EXOC6B: variants seen among roughly 807,000 people sequenced by gnomAD.
EXOC6B encodes exocyst complex component 6B, also known as SEC15 homolog B.
EXOC6B carries 54 observed loss-of-function variants against 113.5 expected under a neutral mutation model. The observed-to-expected ratio is 0.48, with a 90% CI of 0.38 to 0.60. EXOC6B has a LOEUF of 0.60. EXOC6B is among the 20% of genes least tolerant of loss of function. The pLI, the probability that EXOC6B is intolerant of heterozygous loss-of-function variation, is 0.00. For missense variants in EXOC6B, 797 were observed against 977.5 expected (o/e 0.82, Z 2.46); for synonymous variants, 357 against 339.0 (o/e 1.05, Z -0.58).
intron 6 of EXOC6B, among the ~76,000 whole-genome samples, chr2:72,607,389 G>C (rs1670815981): frequency 1.3e-5 from 2 of 152,136 alleles, no homozygotes; most frequent in South Asian, 4.1e-4. Context: ...CCAGACTCTA[G>C]AACTGTGAGC....
chr2:72,618,018 G>A (rs1365816234), intron 6 of EXOC6B, among the ~76,000 whole-genome samples: 2 of 152,094 alleles, frequency 1.3e-5, no homozygotes, highest in Non-Finnish European at 2.9e-5. Flanking sequence ...TAAAAGTGGG[G>A]ACTGATAATG....
intron 20 of EXOC6B, among the ~76,000 whole-genome samples, chr2:72,262,304 T>C (rs1425422702): frequency 6.6e-6 from 1 of 151,964 alleles, no homozygotes; most frequent in Non-Finnish European, 1.5e-5. Context: ...AAGGATCTAG[T>C]AGCAGAGGAT....
At chr2:72,311,387 CT>C (rs1687174242) in intron 20 of EXOC6B, among the ~76,000 whole-genome samples, 1 of 152,104 alleles carries the variant, frequency 6.6e-6, no homozygotes, top group Non-Finnish European at 1.5e-5. Context: ...CATTCCCAGC[CT>C]TTATAGAGGC....
At chr2:72,600,811 C>G (rs1421450851) in intron 6 of EXOC6B, among the ~76,000 whole-genome samples, 4 of 151,912 alleles carry the variant, frequency 2.6e-5, no homozygotes, top group Non-Finnish European at 4.4e-5. Context: ...AGATACAACA[C>G]CAAAAGCATG....
chr2:72,487,558 G>A (rs1273284434), intron 16 of EXOC6B, among the ~76,000 whole-genome samples: 5 of 151,868 alleles, frequency 3.3e-5, no homozygotes, highest in South Asian at 4.2e-4. Context: ...ACGGGGTTTC[G>A]CCATGTTGGC....
intron 1 of EXOC6B, among the ~76,000 whole-genome samples, chr2:72,798,767 A>G (rs1685116960): frequency 6.6e-6 from 1 of 152,190 alleles, no homozygotes; most frequent in African/African-American, 2.4e-5. Flanking sequence ...AAACATGGAG[A>G]AGATGATATG....
chr2:72,207,491 ACGC>A (rs1679906836), intron 20 of EXOC6B, among the ~76,000 whole-genome samples: 1 of 152,210 alleles, frequency 6.6e-6, no homozygotes, highest in East Asian at 1.9e-4. Flanking sequence ...TAGTTAATTC[ACGC>A]AAAAGCACTC....
chr2:72,258,363 T>TG lies in EXOC6B; in HGVS notation c.2197-74177_2197-74176insC, dbSNP rs1358773669. 2.8e-5 allele frequency among the ~76,000 whole-genome samples: 4 copies of TG among 140,964 alleles called. No homozygotes were observed. The Admixed American group carries it at 2.8e-4, about 10-fold the overall frequency. The allele number at this position is 140,964 out of a possible 152,430, so 92.5% of individuals were successfully genotyped here. The stretch of plus-strand genomic sequence containing the variant: ...TTATTTTTTATTTTTATCTTTTTCT[T>TG]TTTTTTTTTTTTTTTTTTGAGACAG... On this transcript the variant is annotated intron_variant, in intron 20 of 21. Coordinates refer to ENST00000272427, the MANE Select transcript of EXOC6B (RefSeq NM_015189.3).
intron 6 of EXOC6B, among the ~76,000 whole-genome samples, chr2:72,677,093 T>G (rs1197318410): frequency 6.6e-6 from 1 of 152,222 alleles, no homozygotes; most frequent in African/African-American, 2.4e-5. Flanking sequence ...GCAGAATGTC[T>G]TTTAGTCTAT....
At chr2:72,640,449 A>G (rs553044169) in intron 6 of EXOC6B, among the ~76,000 whole-genome samples, 8 of 152,340 alleles carry the variant, frequency 5.3e-5, no homozygotes, top group Admixed American at 6.5e-5. Flanking sequence ...ATTTCAGGAT[A>G]CATCCATGAG....
At chr2:72,751,293 G>A (rs994545131) in intron 1 of EXOC6B, among the ~76,000 whole-genome samples, 4 of 152,130 alleles carry the variant, frequency 2.6e-5, no homozygotes, top group African/African-American at 9.7e-5. Flanking sequence ...GGAAGGGCAG[G>A]ACAATTTGAA....
intron 1 of EXOC6B, among the ~76,000 whole-genome samples, chr2:72,785,781 A>G (rs891694504): frequency 6.6e-6 from 1 of 152,230 alleles, no homozygotes; most frequent in African/African-American, 2.4e-5. Context: ...CATTTTCCCC[A>G]TAGTCTAGGG....
At chr2:72,369,132 A>T (rs1044507329) in intron 19 of EXOC6B, among the ~76,000 whole-genome samples, 6 of 152,216 alleles carry the variant, frequency 3.9e-5, no homozygotes, top group African/African-American at 1.4e-4. Flanking sequence ...TCTCAGCCCA[A>T]AATCTCCTCA....
chr2:72,553,859 G>T (rs1378643984), intron 8 of EXOC6B, among the ~76,000 whole-genome samples: 1 of 152,040 alleles, frequency 6.6e-6, no homozygotes, highest in African/African-American at 2.4e-5. Context: ...GCACTAAAAA[G>T]TATAAGACAT....
chr2:72,491,252 A>C lies in EXOC6B; in HGVS notation c.1665+1066T>G, dbSNP rs563859709. 1.9e-4 allele frequency among the ~76,000 whole-genome samples: 29 copies of C among 152,302 alleles called. 1 individual carries two copies. In the South Asian group the frequency reaches 5.6e-3, roughly 29 times the overall value. ...TTTTCAATTGAAAGAAAAGTTTGCT[A>C]TAAGTAGAACTCAATCACTTCCAAT... On this transcript the variant is annotated intron_variant, in intron 16 of 21. Coordinates refer to ENST00000272427, the MANE Select transcript of EXOC6B (RefSeq NM_015189.3).
At chr2:72,448,566 G>C (rs1032161652) in intron 18 of EXOC6B, among the ~76,000 whole-genome samples, 1 of 151,878 alleles carries the variant, frequency 6.6e-6, no homozygotes, top group Non-Finnish European at 1.5e-5. Flanking sequence ...TTTTACTGTG[G>C]AACACAGAAT....
chr2:72,534,670 A>T (rs1379959073), intron 8 of EXOC6B, among the ~76,000 whole-genome samples: 15 of 152,158 alleles, frequency 9.9e-5, no homozygotes, highest in Non-Finnish European at 2.9e-5. Flanking sequence ...GATAGCTAAG[A>T]GTTTATAAAA....
At chr2:72,528,974 T>C (rs1445546036) in intron 8 of EXOC6B, among the ~76,000 whole-genome samples, 3 of 152,164 alleles carry the variant, frequency 2.0e-5, no homozygotes, top group African/African-American at 4.8e-5. Context: ...ATATAGACAA[T>C]CAGCAGGTTA....
chr2:72,692,355 T>G (rs1025425333), intron 6 of EXOC6B, among the ~76,000 whole-genome samples: 1 of 142,102 alleles, frequency 7.0e-6, no homozygotes. Flanking sequence ...CACCATATTC[T>G]TTTTTTTTTT....
Sources: allele counts gnomAD v4.1 joint callset (sites outside exome capture counted in the v4.1 genomes callset), GRCh38; gene constraint gnomAD v4.1.1; transcripts MANE v1.5; gene names NCBI Gene and HGNC (gene_info 2026-07-23, HGNC 2026-07-21).